WDPCP: variants seen among roughly 807,000 people sequenced by gnomAD.
WDPCP encodes WD repeat-containing and planar cell polarity effector protein fritz homolog.
In WDPCP, 71 loss-of-function variants were observed where a neutral mutation model predicts 93.1. The ratio of observed to expected loss-of-function variants is 0.76; its 90% CI spans 0.63 to 0.93. WDPCP has a LOEUF of 0.93. Among genes scored for constraint, WDPCP ranks in the 40% least tolerant of loss-of-function variants. The pLI is 0.00. For missense variants in WDPCP, 844 were observed against 887.4 expected, an observed-to-expected ratio of 0.95 and a Z score of 0.62; for synonymous variants, 315 against 315.0, an observed-to-expected ratio of 1.00 and a Z score of 0.00.
At chr2:63,634,197 A>G (rs546583794) in intron 3 of WDPCP, among the ~76,000 whole-genome samples, 1 of 152,344 alleles carries the variant, frequency 6.6e-6, no homozygotes, top group East Asian at 1.9e-4. Flanking sequence ...AGGCTGAAAA[A>G]GTGAAGGAAT....
At chr2:63,722,174 C>T (rs1436992353) in intron 2 of WDPCP, among the ~76,000 whole-genome samples, 5 of 152,022 alleles carry the variant, frequency 3.3e-5, no homozygotes, top group Non-Finnish European at 7.4e-5. Flanking sequence ...TGAGGAGCGT[C>T]TCTGCCTGGC....
intron 14 of WDPCP, among the ~76,000 whole-genome samples, chr2:63,238,386 A>T (rs1201502777): frequency 6.6e-6 from 1 of 152,164 alleles, no homozygotes; most frequent in Admixed American, 6.6e-5. Context: ...ACTACATTTT[A>T]AAATTTTATT....
chr2:63,396,822 C>T (rs574313725), intron 10 of WDPCP, among the ~76,000 whole-genome samples: 1 of 152,252 alleles, frequency 6.6e-6, no homozygotes, highest in Admixed American at 6.5e-5. Flanking sequence ...TCCCAAACTC[C>T]ACCCTCAAGT....
chr2:63,378,375 A>G lies in WDPCP; in HGVS notation c.1748+11T>C. 6.2e-7 allele frequency: 1 copy of G among 1,612,784 alleles called. No homozygotes were observed. The highest frequency in any genetic ancestry group is 8.5e-7 in the Non-Finnish European group (1 of 1,179,206). ...TAGTCTGACGCTAATCAATCCAAACATATCATTCACCTGAGCAAGTGATGG... is the reference window on the plus strand; with the variant it reads ...TAGTCTGACGCTAATCAATCCAAACGTATCATTCACCTGAGCAAGTGATGG... On this transcript the variant is annotated intron_variant, in intron 12 of 17. Coordinates refer to ENST00000272321, the MANE Select transcript of WDPCP (RefSeq NM_015910.7).
chr2:63,430,668 G>A (rs1004593749), intron 9 of WDPCP, among the ~76,000 whole-genome samples: 1 of 152,140 alleles, frequency 6.6e-6, no homozygotes, highest in Non-Finnish European at 1.5e-5. Context: ...CAGATCATGA[G>A]GTCAAGAGAT....
intron 13 of WDPCP, among the ~76,000 whole-genome samples, chr2:63,276,922 G>C (rs1683130820): frequency 6.6e-6 from 1 of 152,122 alleles, no homozygotes; most frequent in Non-Finnish European, 1.5e-5. Flanking sequence ...TAGGCACATA[G>C]TCATCAAGTT....
intron 2 of WDPCP, among the ~76,000 whole-genome samples, chr2:63,688,366 G>A (rs900050693): frequency 1.3e-5 from 2 of 151,806 alleles, no homozygotes; most frequent in African/African-American, 4.8e-5. Flanking sequence ...GGCGGAGCTC[G>A]CAGTGAGCCG....
At chr2:63,400,787 C>G (rs1288793628) in intron 10 of WDPCP, among the ~76,000 whole-genome samples, 1 of 152,120 alleles carries the variant, frequency 6.6e-6, no homozygotes, top group Non-Finnish European at 1.5e-5. Flanking sequence ...GGTACCAAAA[C>G]TGATATATAG....
In WDPCP at chr2:63,514,443, A is replaced by AC. The variant is rs571993232; in HGVS notation, c.76-21504dup. Among the ~76,000 whole-genome samples the AC allele has an allele frequency of 1.4e-3, 215 of 152,270 alleles. No homozygotes were observed. In the Middle Eastern group the frequency reaches 0.017, roughly 12 times the overall value. ...TGGTCCGTTTAACTACATGGGTTGC[A>AC]CCATTGATACAGCTAATCATATTAC... On this transcript the variant is annotated intron_variant, in intron 1 of 17. Transcript: ENST00000272321.
intron 9 of WDPCP, among the ~76,000 whole-genome samples, chr2:63,413,082 G>C (rs542527185): frequency 8.9e-4 from 136 of 152,172 alleles, no homozygotes; most frequent in African/African-American, 3.2e-3. Context: ...TAAGCAAAAA[G>C]AACAAATCTG....
chr2:63,543,634 C>A (rs925511591), intron 1 of WDPCP, among the ~76,000 whole-genome samples: 3 of 151,772 alleles, frequency 2.0e-5, no homozygotes, highest in African/African-American at 7.3e-5. Flanking sequence ...ATTGCAGAAG[C>A]TGATTCTTTA....
At chr2:63,747,248 A>G (rs1213792522) in intron 2 of WDPCP, among the ~76,000 whole-genome samples, 2 of 152,084 alleles carry the variant, frequency 1.3e-5, no homozygotes, top group Non-Finnish European at 1.5e-5. Context: ...TGCACTTTTT[A>G]TGTTGTCCTT....
intron 12 of WDPCP, among the ~76,000 whole-genome samples, chr2:63,317,418 A>AAT (rs1686733285): frequency 6.6e-6 from 1 of 151,480 alleles, no homozygotes; most frequent in South Asian, 2.1e-4. Context: ...CAAAAAAAAA[A>AAT]AAAAATTATA....
chr2:63,784,017 T>A (rs1049848262), intron 2 of WDPCP, among the ~76,000 whole-genome samples: 3 of 152,222 alleles, frequency 2.0e-5, no homozygotes, highest in African/African-American at 7.2e-5. Flanking sequence ...TGCTTTTGTT[T>A]GTGTAACCTT....
intron 13 of WDPCP, among the ~76,000 whole-genome samples, chr2:63,295,007 A>T (rs1446476085): frequency 6.6e-6 from 1 of 152,322 alleles, no homozygotes; most frequent in Middle Eastern, 3.4e-3. Context: ...ATTAAAAACC[A>T]AAAAGGGTGT....
At chr2:63,394,679 C>G (rs1476048040) in intron 10 of WDPCP, among the ~76,000 whole-genome samples, 1 of 152,114 alleles carries the variant, frequency 6.6e-6, no homozygotes, top group Non-Finnish European at 1.5e-5. Flanking sequence ...AAATGTGGTA[C>G]ATATACACCA....
In WDPCP at chr2:63,697,488, G is replaced by A. The variant is rs899061277; in HGVS notation, n.309-46650C>T. ...GTTTGAAAAGTGTGATTCCAATTCC[G>A]TATCAAGCACTAAAAAATCGTATGA... On this transcript the variant is annotated intron_variant and non_coding_transcript_variant, in intron 2 of 4. Coordinates refer to the WDPCP transcript ENST00000467687. Among the ~76,000 whole-genome samples, 9 of 152,080 alleles carry A rather than the reference G, an allele frequency of 5.9e-5. No individual in the cohort carries two copies. In the South Asian group the frequency reaches 6.2e-4, roughly 11 times the overall value.
At position 63,771,721 on chromosome 2, in the gene WDPCP, C is replaced by T. The variant is rs1670228895; in HGVS notation, n.308+41901G>A. Among the ~76,000 whole-genome samples the T allele has an allele frequency of 2.0e-5, 3 of 152,020 alleles. No individual in the cohort carries two copies. In the South Asian group the frequency reaches 6.2e-4, roughly 32 times the overall value. On this transcript the variant is annotated intron_variant and non_coding_transcript_variant, in intron 2 of 4. Transcript: ENST00000467687. ...CACTCTCCCTGCCCTCTTTTGGAGG[C>T]CCTGATGTCTATTGTGCTTATCTTT...
At chr2:63,585,184 T>A (rs1176921293) in intron 1 of WDPCP, among the ~76,000 whole-genome samples, 1 of 152,194 alleles carries the variant, frequency 6.6e-6, no homozygotes, top group East Asian at 1.9e-4. Context: ...TAAATTAAAT[T>A]ACAAGCACTT....
Sources: allele counts gnomAD v4.1 joint callset (sites outside exome capture counted in the v4.1 genomes callset), GRCh38; gene constraint gnomAD v4.1.1; transcripts MANE v1.5; gene names NCBI Gene and HGNC (gene_info 2026-07-23, HGNC 2026-07-21).